Variants in CNTNAP3B observed in about 807,000 individuals in gnomAD.
CNTNAP3B encodes contactin-associated protein-like 3B.
CNTNAP3B carries 25 observed loss-of-function variants against 108.9 expected under a neutral mutation model. That is an observed-to-expected ratio of 0.23 (90% confidence interval 0.17 to 0.32). The LOEUF is 0.32. CNTNAP3B is among the 10% of genes least tolerant of loss of function. The pLI, the probability that CNTNAP3B is intolerant of heterozygous loss-of-function variation, is 1.00. For missense variants in CNTNAP3B, 252 were observed against 1,210.4 expected, an observed-to-expected ratio of 0.21 and a Z score of 11.75; for synonymous variants, 103 against 473.4, an observed-to-expected ratio of 0.22 and a Z score of 10.16.
chr9:41,968,414 T>G lies in CNTNAP3B; in HGVS notation c.1649+1660A>C, dbSNP rs1359090679. 2.2e-4 allele frequency among the ~76,000 whole-genome samples: 30 copies of G among 139,268 alleles called. 3 individuals are homozygous for G. The highest frequency in any genetic ancestry group is 3.8e-4 in the Non-Finnish European group (25 of 64,946). The allele number at this position is 139,268 out of a possible 152,430, so 91.4% of individuals were successfully genotyped here. A position where few individuals can be genotyped will look rare whatever the true frequency, so the allele number is the denominator to read the frequency against. On this transcript the variant is annotated intron_variant, in intron 10 of 23. Transcript: ENST00000377561. ...AACTACCCTTCCCACGACTACAGAG[T>G]GTGGTTCTGGAGCTGGTGTTGAGAT... is the stretch of plus-strand genomic sequence containing the variant.
At chr9:41,936,175 G>C (rs1210901968) in intron 14 of CNTNAP3B, among the ~76,000 whole-genome samples, 34 of 152,400 alleles carry the variant, frequency 2.2e-4, no homozygotes, top group Middle Eastern at 3.4e-3. Context: ...TACTCGGGAG[G>C]CTGAGGCAGG....
chr9:42,112,389 A>G (rs1262909715), intron 1 of CNTNAP3B, among the ~76,000 whole-genome samples: 1 of 139,292 alleles, frequency 7.2e-6, no homozygotes, highest in Non-Finnish European at 1.5e-5. Flanking sequence ...CACAGCAGCC[A>G]TGTGCGGCGG....
chr9:41,927,647 A>G (rs1823857874), intron 15 of CNTNAP3B, among the ~76,000 whole-genome samples: 2 of 151,418 alleles, frequency 1.3e-5, no homozygotes, highest in South Asian at 2.1e-4. Flanking sequence ...GTTTCACACT[A>G]TGGGAATAAT....
chr9:41,934,110 TATATATATATATACACACAC>T (rs1564148278), intron 14 of CNTNAP3B, among the ~76,000 whole-genome samples: 1 of 127,046 alleles, frequency 7.9e-6, no homozygotes, highest in African/African-American at 3.1e-5. Context: ...CATATATATA[TATATATATATATACACACAC>T]ATATATATAT....
Position 42,070,510 on chromosome 9 carries a change from G to A in CNTNAP3B, c.390+6359C>T, listed in dbSNP as rs534608664. Reference sequence around the variant, plus strand: ...TCTTCCTCTGACTCACTGTGTCGCTGCCCATCACTGGCTCACAGCTTGGTA... The same window carrying A: ...TCTTCCTCTGACTCACTGTGTCGCTACCCATCACTGGCTCACAGCTTGGTA... On this transcript the variant is annotated intron_variant, in intron 3 of 23. Coordinates refer to ENST00000377561, the MANE Select transcript of CNTNAP3B (RefSeq NM_001201380.3). 2.4e-4 allele frequency among the ~76,000 whole-genome samples: 34 copies of A among 142,432 alleles called. 1 individual carries two copies. The highest frequency in any genetic ancestry group is 8.5e-4 in the African/African-American group (31 of 36,600). The allele number at this position is 142,432 out of a possible 152,430, so 93.4% of individuals were successfully genotyped here. A position where few individuals can be genotyped will look rare whatever the true frequency, so the allele number is the denominator to read the frequency against.
intron 14 of CNTNAP3B, among the ~76,000 whole-genome samples, chr9:41,930,849 T>C (rs965203357): frequency 1.1e-4 from 17 of 152,214 alleles, no homozygotes; most frequent in African/African-American, 4.1e-4. Context: ...GCTGCAAAAG[T>C]ATTTTATTAT....
intron 3 of CNTNAP3B, among the ~76,000 whole-genome samples, chr9:42,044,906 G>A (rs948750385): frequency 1.9e-5 from 2 of 103,522 alleles, no homozygotes; most frequent in Admixed American, 9.9e-5. Flanking sequence ...CAATAAAAAT[G>A]TACTGGACTG....
At chr9:41,942,477 G>A (rs1382518666) in intron 13 of CNTNAP3B, among the ~76,000 whole-genome samples, 6 of 151,618 alleles carry the variant, frequency 4.0e-5, no homozygotes, top group African/African-American at 1.5e-4. Flanking sequence ...CGGGCGTGGT[G>A]GCGGGCGCCT....
intron 3 of CNTNAP3B, among the ~76,000 whole-genome samples, chr9:42,056,147 AATTTT>A (rs985686216): frequency 1.5e-5 from 2 of 133,068 alleles, no homozygotes; most frequent in African/African-American, 6.0e-5. Context: ...CATACTATTT[AATTTT>A]AAGAGACTTT....
At chr9:41,942,347 A>C (rs1275647209) in intron 13 of CNTNAP3B, among the ~76,000 whole-genome samples, 1 of 152,282 alleles carries the variant, frequency 6.6e-6, no homozygotes, top group Non-Finnish European at 1.5e-5. Context: ...GAGGTGGCTC[A>C]AGCCTGTAAT....
intron 17 of CNTNAP3B, among the ~76,000 whole-genome samples, chr9:41,920,814 G>A (rs900914630): frequency 1.3e-5 from 2 of 152,306 alleles, no homozygotes; most frequent in African/African-American, 4.8e-5. Flanking sequence ...AAGTGTGAAA[G>A]GAAATGGATA....
chr9:41,999,939 ATATT>A (rs1825967335), intron 4 of CNTNAP3B, among the ~76,000 whole-genome samples: 1 of 68,462 alleles, frequency 1.5e-5, no homozygotes, highest in South Asian at 6.3e-4. Context: ...TTTGAAAAAT[ATATT>A]TATTTAATAA....
chr9:42,098,731 A>G (rs1403282609), intron 2 of CNTNAP3B, among the ~76,000 whole-genome samples: 2 of 124,038 alleles, frequency 1.6e-5, no homozygotes, highest in East Asian at 2.7e-4. Flanking sequence ...TTCACTGAAT[A>G]CAAGTAAATT....
chr9:42,001,311 G>C (rs1277709530), intron 4 of CNTNAP3B, among the ~76,000 whole-genome samples: 1 of 115,952 alleles, frequency 8.6e-6, no homozygotes, highest in Non-Finnish European at 1.7e-5. Context: ...CTACTTGGAA[G>C]GGGGAGGTGG....
intron 1 of CNTNAP3B, among the ~76,000 whole-genome samples, chr9:42,108,444 C>T (rs929557248): frequency 7.3e-6 from 1 of 137,000 alleles, no homozygotes; most frequent in Admixed American, 7.3e-5. Context: ...TTAAAAATCA[C>T]CTGTGCTGAA....
At position 41,950,472 on chromosome 9, in the gene CNTNAP3B, G is replaced by A. The variant is rs1385037802; in HGVS notation, c.2080+2711C>T. On this transcript the variant is annotated intron_variant, in intron 13 of 23. Transcript: ENST00000377561. Reference sequence around the variant, plus strand: ...GCTTTATTCATAATTGCCCCAAACTGTAAACAAACAACCCAGATGCCCTTC... The same window carrying A: ...GCTTTATTCATAATTGCCCCAAACTATAAACAAACAACCCAGATGCCCTTC... Among the ~76,000 whole-genome samples the A allele has an allele frequency of 1.6e-5, 2 of 123,492 alleles. 1 individual carries two copies. The highest frequency in any genetic ancestry group is 6.1e-5 in the African/African-American group (2 of 32,670). The allele number at this position is 123,492 out of a possible 152,430, so 81.0% of individuals were successfully genotyped here. A position where few individuals can be genotyped will look rare whatever the true frequency, so the allele number is the denominator to read the frequency against.
At chr9:41,924,300 G>A (rs1330181263) in intron 15 of CNTNAP3B, among the ~76,000 whole-genome samples, 77 of 152,390 alleles carry the variant, frequency 5.1e-4, no homozygotes, top group African/African-American at 1.8e-3. Flanking sequence ...TCTGTGTTCA[G>A]AGAAGGCCAA....
chr9:41,948,250 C>T (rs1408220932), intron 13 of CNTNAP3B, among the ~76,000 whole-genome samples: 36 of 147,738 alleles, frequency 2.4e-4, no homozygotes, highest in Non-Finnish European at 3.0e-5. Context: ...TGCCACCACA[C>T]CCAACTAATT....
At position 42,125,453 on chromosome 9, in the gene CNTNAP3B, G is replaced by A. The variant is rs553221834; in HGVS notation, c.85+3557C>T. The stretch of plus-strand genomic sequence containing the variant: ...GGCCTCCCCACTACCCAGCATGGAT[G>A]CCTAAGCTGAACTGAATGACCTTGG... On this transcript the variant is annotated intron_variant, in intron 1 of 23. Coordinates refer to ENST00000377561, the MANE Select transcript of CNTNAP3B (RefSeq NM_001201380.3). Among the ~76,000 whole-genome samples, 619 of 141,896 alleles carry A rather than the reference G, an allele frequency of 4.4e-3. 18 individuals are homozygous for A. Among genetic ancestry groups the A allele is most frequent in the African/African-American group, 0.016 (597 of 36,204 alleles). The allele number at this position is 141,896 out of a possible 152,430, so 93.1% of individuals were successfully genotyped here. A position where few individuals can be genotyped will look rare whatever the true frequency, so the allele number is the denominator to read the frequency against.
Sources: allele counts gnomAD v4.1 joint callset (sites outside exome capture counted in the v4.1 genomes callset), GRCh38; gene constraint gnomAD v4.1.1; transcripts MANE v1.5; gene names NCBI Gene and HGNC (gene_info 2026-07-23, HGNC 2026-07-21).